MTDH: variants seen among roughly 807,000 people sequenced by gnomAD.
MTDH encodes protein LYRIC.
In MTDH, 34 loss-of-function variants were observed where a neutral mutation model predicts 72.7. The observed-to-expected ratio is 0.47, with a 90% CI of 0.36 to 0.62. The LOEUF is 0.62. MTDH is among the 20% of genes least tolerant of loss of function. The pLI is 0.00. For missense variants in MTDH, 677 were observed against 699.4 expected, an observed-to-expected ratio of 0.97 and a Z score of 0.36; for synonymous variants, 266 against 268.9, an observed-to-expected ratio of 0.99 and a Z score of 0.10.
In MTDH at chr8:97,671,141, A is replaced by G. The variant is rs577416898; in HGVS notation, c.483+9968A>G. Among the ~76,000 whole-genome samples, 18 of 151,566 alleles carry G rather than the reference A, an allele frequency of 1.2e-4. No homozygotes were observed. The South Asian group carries it at 3.8e-3, about 32-fold the overall frequency. On this transcript the variant is annotated intron_variant, in intron 2 of 11. Coordinates refer to ENST00000336273, the MANE Select transcript of MTDH (RefSeq NM_178812.4). ...CCACCGCGCCCGGCTAATTTTTTGT[A>G]TTTTTAGTAGAGACGGGGTTTCACC...
chr8:97,690,556 G>A (rs1481804777), intron 5 of MTDH, among the ~76,000 whole-genome samples: 1 of 152,028 alleles, frequency 6.6e-6, no homozygotes, highest in Non-Finnish European at 1.5e-5. Flanking sequence ...GAGGCTCCAG[G>A]GTCTATTGTT....
At chr8:97,724,561 C>G in intron 11 of MTDH, 39 bp from the exon 12 acceptor site, 2 of 1,403,352 alleles carry the variant, frequency 1.4e-6, no homozygotes, top group Non-Finnish European at 2.0e-6. Context: ...TTACCATCCT[C>G]CTAATTTTTT....
intron 9 of MTDH, among the ~76,000 whole-genome samples, chr8:97,716,277 T>G (rs1202834809): frequency 6.6e-6 from 1 of 151,968 alleles, no homozygotes; most frequent in Non-Finnish European, 1.5e-5. Flanking sequence ...TCCCAGCTAC[T>G]CGGGAGGCTG....
chr8:97,676,457 C>G (rs1482477822), intron 2 of MTDH, among the ~76,000 whole-genome samples: 1 of 152,192 alleles, frequency 6.6e-6, no homozygotes, highest in Non-Finnish European at 1.5e-5. Context: ...TTGCAATTCT[C>G]TGTCAAAATC....
chr8:97,687,741 G>A (rs1813424716), intron 4 of MTDH, 136 bp downstream of exon 4: 7 of 717,952 alleles, frequency 9.7e-6, no homozygotes, highest in Non-Finnish European at 1.3e-5. Flanking sequence ...CTTCATGAGA[G>A]TATTGTGAAC....
At chr8:97,662,829 T>G (rs1812226657) in intron 2 of MTDH, among the ~76,000 whole-genome samples, 1 of 151,134 alleles carries the variant, frequency 6.6e-6, no homozygotes, top group South Asian at 2.1e-4. Flanking sequence ...TGCTACAGTT[T>G]CTTAATGCTT....
chr8:97,689,050 T>C lies in MTDH; in HGVS notation c.758T>C (p.Leu253Pro), dbSNP rs747581041. 11 of 1,574,454 alleles carry C rather than the reference T, an allele frequency of 7.0e-6. No individual in the cohort carries two copies. Among genetic ancestry groups the C allele is most frequent in the Non-Finnish European group, 8.7e-6 (10 of 1,150,616 alleles). The stretch of plus-strand genomic sequence containing the variant: ...CTATTTTAACCAGGTGATTCTCATC[T>C]AAATGTTCAAGTTAGCAACTTTAAA... ...GSKKNKGDSHLNVQVSNFKSG... is the reference protein window; with the variant it reads ...GSKKNKGDSHPNVQVSNFKSG... Residue 253 changes from leucine to proline, a missense_variant, in exon 5 of 12, where the codon CTA (leucine) becomes CCA (proline). This residue lies in a region of MTDH where 467 missense variants were observed against 469.1 expected (regional missense o/e 1.00). Transcript: ENST00000336273.
chr8:97,724,018 A>G (rs1481653963), intron 11 of MTDH, among the ~76,000 whole-genome samples: 2 of 152,122 alleles, frequency 1.3e-5, no homozygotes, highest in African/African-American at 2.4e-5. Context: ...CTGAGGCAGG[A>G]GAATCGCTTG....
At chr8:97,721,729 T>C (rs1815136175) in intron 10 of MTDH, among the ~76,000 whole-genome samples, 1 of 152,258 alleles carries the variant, frequency 6.6e-6, no homozygotes, top group African/African-American at 2.4e-5. Flanking sequence ...TGATCATTTA[T>C]TAATGGATAT....
At chr8:97,649,702 C>T (rs1252381331) in intron 1 of MTDH, among the ~76,000 whole-genome samples, 6 of 151,928 alleles carry the variant, frequency 3.9e-5, no homozygotes, top group African/African-American at 1.5e-4. Context: ...TTCCCAGACT[C>T]AAGCATTCCT....
At chr8:97,663,913 T>A (rs998721466) in intron 2 of MTDH, among the ~76,000 whole-genome samples, 7 of 152,212 alleles carry the variant, frequency 4.6e-5, no homozygotes, top group Admixed American at 1.3e-4. Context: ...TAGTCAGTTC[T>A]AACCCAAATC....
chr8:97,722,874 A>T lies in MTDH; in HGVS notation c.1522-5A>T, dbSNP rs752587057. The T allele has an allele frequency of 6.3e-7, 1 of 1,581,778 alleles. No homozygotes were observed. Among genetic ancestry groups the T allele is most frequent in the Non-Finnish European group, 8.6e-7 (1 of 1,168,194 alleles). On this transcript the variant is annotated splice_polypyrimidine_tract_variant and splice_region_variant and intron_variant, in intron 10 of 11. Coordinates refer to ENST00000336273, the MANE Select transcript of MTDH (RefSeq NM_178812.4). Reference sequence around the variant, plus strand: ...AAAACCTGAGATGATTTTTTCCTAAAATAGCCTATCAAGACTCTTCCACCT... The same window carrying T: ...AAAACCTGAGATGATTTTTTCCTAATATAGCCTATCAAGACTCTTCCACCT...
At chr8:97,694,604 G>A (rs1185621912) in intron 6 of MTDH, among the ~76,000 whole-genome samples, 1 of 152,090 alleles carries the variant, frequency 6.6e-6, no homozygotes, top group Admixed American at 6.5e-5. Flanking sequence ...AAATTGTGTA[G>A]CGGTATCAAA....
At chr8:97,718,995 A>C in intron 9 of MTDH, 54 bp from the exon 10 acceptor site, 1 of 1,493,934 alleles carries the variant, frequency 6.7e-7, no homozygotes, top group Non-Finnish European at 9.1e-7. Flanking sequence ...CATAGATTTT[A>C]ATTAATGAAG....
intron 2 of MTDH, among the ~76,000 whole-genome samples, chr8:97,681,844 T>C (rs1312648554): frequency 6.6e-6 from 1 of 152,134 alleles, no homozygotes; most frequent in African/African-American, 2.4e-5. Flanking sequence ...TATTAGATGA[T>C]AGCGCAGTTG....
At chr8:97,661,732 C>T (rs1316685972) in intron 2 of MTDH, among the ~76,000 whole-genome samples, 2 of 152,016 alleles carry the variant, frequency 1.3e-5, no homozygotes, top group Non-Finnish European at 2.9e-5. Context: ...TGCTTGAGCC[C>T]AGGAGTTTGA....
chr8:97,649,710 C>G (rs1811689543), intron 1 of MTDH, among the ~76,000 whole-genome samples: 1 of 150,322 alleles, frequency 6.7e-6, no homozygotes. Flanking sequence ...CTCAAGCATT[C>G]CTCCCACCTC....
intron 6 of MTDH, 90 bp downstream of exon 6, chr8:97,691,278 T>A: frequency 1.1e-6 from 1 of 929,118 alleles, no homozygotes; most frequent in Non-Finnish European, 1.6e-6. Flanking sequence ...AAACTATGAA[T>A]AGAAAAATAA....
intron 2 of MTDH, among the ~76,000 whole-genome samples, chr8:97,681,418 T>A (rs1234586393): frequency 6.6e-6 from 1 of 151,152 alleles, no homozygotes; most frequent in Non-Finnish European, 1.5e-5. Flanking sequence ...TTTTTTTTTT[T>A]AAAGTAAGAA....
Sources: allele counts gnomAD v4.1 joint callset (sites outside exome capture counted in the v4.1 genomes callset), GRCh38; gene constraint gnomAD v4.1.1; regional missense constraint gnomAD v4.1.1; transcripts MANE v1.5; gene names NCBI Gene and HGNC (gene_info 2026-07-23, HGNC 2026-07-21).